The following RNF130 variants were observed in gnomAD, a reference collection of about 807,000 sequenced individuals.
RNF130 encodes E3 ubiquitin-protein ligase RNF130.
Under a neutral mutation model 44.6 loss-of-function variants are expected in RNF130, and 21 were observed. That is an observed-to-expected ratio of 0.47 (90% CI 0.33 to 0.68). The LOEUF (loss-of-function observed/expected upper bound fraction) is 0.68. Among genes scored for constraint, RNF130 ranks in the 30% least tolerant of loss-of-function variants. The pLI, the probability that RNF130 is intolerant of heterozygous loss-of-function variation, is 0.02. For missense variants in RNF130, 479 were observed against 560.6 expected, an observed-to-expected ratio of 0.85 and a Z score of 1.47; for synonymous variants, 214 against 210.4, an observed-to-expected ratio of 1.02 and a Z score of -0.15.
chr5:179,956,678 G>A (rs1374646897), intron 8 of RNF130, among the ~76,000 whole-genome samples: 1 of 152,196 alleles, frequency 6.6e-6, no homozygotes, highest in Non-Finnish European at 1.5e-5. Context: ...TGGTTCCTAA[G>A]TCACTCTTCC....
At chr5:180,005,974 C>A (rs1384161985) in intron 3 of RNF130, among the ~76,000 whole-genome samples, 1 of 152,136 alleles carries the variant, frequency 6.6e-6, no homozygotes, top group Non-Finnish European at 1.5e-5. Context: ...AAGCCCCTGA[C>A]ATGTAATATT....
At chr5:179,926,875 G>T (rs79102171) in intron 7 of RNF130, among the ~76,000 whole-genome samples, 2,726 of 152,178 alleles carry the variant, frequency 0.018, 39 homozygotes, top group Non-Finnish European at 0.024. Flanking sequence ...AGACAGCGTT[G>T]GAACTGAATT....
rs574069420 is a variant in RNF130, at chr5:179,984,857, T to C, written c.694-4657A>G. Among the ~76,000 whole-genome samples the C allele has an allele frequency of 3.9e-5, 6 of 152,306 alleles. No individual in the cohort carries two copies. In the East Asian group the frequency reaches 1.2e-3, roughly 29 times the overall value. ...AACATTTCCAGTGCCAACATGAAAC[T>C]CAATGGAAATGCTCACTAGAGCATT... On this transcript the variant is annotated intron_variant, in intron 3 of 8. Coordinates refer to ENST00000521389, the MANE Select transcript of RNF130 (RefSeq NM_018434.6).
At chr5:180,010,150 G>C (rs956709223) in intron 3 of RNF130, among the ~76,000 whole-genome samples, 1 of 148,664 alleles carries the variant, frequency 6.7e-6, no homozygotes, top group African/African-American at 2.5e-5. Context: ...CGGAGGCTGA[G>C]GCAGGAGAAT....
chr5:179,916,283 T>C (rs924752764), exon 8 of RNF130: 15 of 152,300 alleles, frequency 9.8e-5, no homozygotes, highest in African/African-American at 3.6e-4. Flanking sequence ...TGGTCCCAGC[T>C]ACTGGGGAGG....
intron 3 of RNF130, among the ~76,000 whole-genome samples, chr5:180,009,587 G>A (rs970838023): frequency 7.9e-5 from 12 of 152,324 alleles, no homozygotes; most frequent in South Asian, 2.1e-4. Flanking sequence ...GCTGTCGAGA[G>A]TGTGGAGGAA....
intron 8 of RNF130, among the ~76,000 whole-genome samples, chr5:179,959,726 A>C (rs761344960): frequency 3.9e-5 from 6 of 152,158 alleles, no homozygotes; most frequent in African/African-American, 1.4e-4. Flanking sequence ...TATATATATA[A>C]ATTTCTACTA....
At position 180,025,914 on chromosome 5, in the gene RNF130, A is replaced by C. The variant is rs983715746; in HGVS notation, c.443-12603T>G. ...AAGTGGCCCAAATTACTGATACGTA[A>C]AGGTATTCTACAATGTGTTTGTGAT... On this transcript the variant is annotated intron_variant, in intron 2 of 8. Transcript: ENST00000521389. Among the ~76,000 whole-genome samples the C allele has an allele frequency of 8.5e-5, 13 of 152,342 alleles. No homozygotes were observed. In the East Asian group the frequency reaches 2.3e-3, roughly 27 times the overall value.
intron 3 of RNF130, among the ~76,000 whole-genome samples, chr5:179,982,645 G>A (rs1346772684): frequency 1.3e-5 from 2 of 152,168 alleles, no homozygotes; most frequent in South Asian, 2.1e-4. Context: ...GTGCAAACAC[G>A]GCTCACTGTA....
intron 1 of RNF130, among the ~76,000 whole-genome samples, chr5:180,060,942 G>GC (rs1397957751): frequency 6.6e-6 from 1 of 151,884 alleles, no homozygotes; most frequent in East Asian, 1.9e-4. Context: ...GGTAGTGGGC[G>GC]CCTGTAGTCC....
chr5:180,057,369 T>C (rs1193372617), intron 1 of RNF130, among the ~76,000 whole-genome samples: 1 of 152,116 alleles, frequency 6.6e-6, no homozygotes, highest in Non-Finnish European at 1.5e-5. Flanking sequence ...GCCAACATGG[T>C]GAAACCCCAT....
At chr5:179,928,875 T>C (rs1761749093) in intron 7 of RNF130, among the ~76,000 whole-genome samples, 1 of 152,156 alleles carries the variant, frequency 6.6e-6, no homozygotes, top group African/African-American at 2.4e-5. Flanking sequence ...GTGATCCCCC[T>C]GCCTCGGCCT....
intron 1 of RNF130, among the ~76,000 whole-genome samples, chr5:180,067,276 A>C (rs1765130053): frequency 6.6e-6 from 1 of 151,946 alleles, no homozygotes; most frequent in Non-Finnish European, 1.5e-5. Flanking sequence ...ATTCCTATTA[A>C]TTTTTTTAAA....
At chr5:180,046,011 C>A (rs1479173901) in intron 1 of RNF130, among the ~76,000 whole-genome samples, 2 of 152,192 alleles carry the variant, frequency 1.3e-5, no homozygotes, top group African/African-American at 2.4e-5. Flanking sequence ...GGGGGCAGCG[C>A]TCGCCGGGGA....
downstream of RNF130, among the ~76,000 whole-genome samples, chr5:179,954,414 A>C (rs1762170904): frequency 6.6e-6 from 1 of 152,234 alleles, no homozygotes; most frequent in South Asian, 2.1e-4. Context: ...AAGTTCTGAC[A>C]CATGCTACAA....
chr5:179,950,802 G>T (rs1208512490), downstream of RNF130, among the ~76,000 whole-genome samples: 2 of 152,196 alleles, frequency 1.3e-5, no homozygotes, highest in East Asian at 3.8e-4. Flanking sequence ...GTCATTAAAA[G>T]TCCTACACCT....
chr5:180,053,158 C>G (rs1342798509), intron 1 of RNF130, among the ~76,000 whole-genome samples: 1 of 152,106 alleles, frequency 6.6e-6, no homozygotes, highest in Non-Finnish European at 1.5e-5. Flanking sequence ...AGGTTTTTAA[C>G]AGATCTCAAA....
intron 3 of RNF130, among the ~76,000 whole-genome samples, chr5:179,986,555 G>T (rs946001602): frequency 6.6e-6 from 1 of 152,216 alleles, no homozygotes; most frequent in Non-Finnish European, 1.5e-5. Context: ...TATGTCACAT[G>T]ACATTTCAAG....
Position 180,017,049 on chromosome 5 carries a change from C to T in RNF130, c.443-3738G>A, listed in dbSNP as rs113300961. Among the ~76,000 whole-genome samples, 8 of 152,242 alleles carry T rather than the reference C, an allele frequency of 5.3e-5. 1 individual carries two copies. Among genetic ancestry groups the T allele is most frequent in the Middle Eastern group, 3.4e-3 (1 of 294 alleles). On this transcript the variant is annotated intron_variant, in intron 2 of 8. Coordinates refer to ENST00000521389, the MANE Select transcript of RNF130 (RefSeq NM_018434.6). ...TTTAGTTTTGTGTCCAGGATTCAAT[C>T]GGGGCTGTCGGCATCATGCTTAGCT...
Sources: gnomAD v4.1 joint callset for allele counts (sites outside exome capture counted in the v4.1 genomes callset) on GRCh38, gnomAD v4.1.1 for gene constraint, MANE v1.5 for transcripts, NCBI Gene and HGNC (gene_info 2026-07-23, HGNC 2026-07-21) for gene names.